The following HERC1 variants were observed in gnomAD, a reference collection of about 807,000 sequenced individuals.
The protein encoded by HERC1 is probable E3 ubiquitin-protein ligase HERC1.
A neutral mutation model predicts 554.3 loss-of-function variants in HERC1; 160 were observed. That is an observed-to-expected ratio of 0.29 (90% CI 0.25 to 0.33). The LOEUF (loss-of-function observed/expected upper bound fraction) is 0.33. HERC1 is among the 10% of genes least tolerant of loss of function. HERC1 has a pLI of 1.00. For missense variants in HERC1, 4,919 were observed against 5,918.5 expected (o/e 0.83, Z 5.54); for synonymous variants, 2,175 against 2,131.7 (o/e 1.02, Z -0.56).
intron 1 of HERC1, among the ~76,000 whole-genome samples, chr15:63,824,533 CAAAAAA>C (rs34774319): frequency 7.6e-6 from 1 of 131,956 alleles, no homozygotes; most frequent in Non-Finnish European, 1.6e-5. Context: ...GACTCCATCT[CAAAAAA>C]AAAAAAAAAA....
rs1213390331 is a variant in HERC1 at position 63,612,417 on chromosome 15, C to T, written c.14234G>A (p.Arg4745His). ...VEVLKKVVRY[R>H]EVDEQHQLVQ... ...CAGCTGATGCTGCTCATCCACCTCA[C>T]GGTACCGCACCACTTTCTTCAAGAC... is the stretch of plus-strand genomic sequence containing the variant. Residue 4745 changes from arginine (R) to histidine (H), a missense_variant, in exon 77 of 78, where the codon CGT (arginine) becomes CAT (histidine). Coordinates refer to ENST00000443617, the MANE Select transcript of HERC1 (RefSeq NM_003922.4). The surrounding 1 kb of genome is among the most constrained non-coding windows in gnomAD (Gnocchi z 5.0). 1 of 1,613,916 alleles carries T rather than the reference C, an allele frequency of 6.2e-7. No homozygotes were observed. The highest frequency in any genetic ancestry group is 8.5e-7 in the Non-Finnish European group (1 of 1,179,906).
At chr15:63,673,715 G>A (rs1008129500) in intron 38 of HERC1, among the ~76,000 whole-genome samples, 2 of 152,174 alleles carry the variant, frequency 1.3e-5, no homozygotes, top group African/African-American at 4.8e-5. Context: ...GAAGATATCA[G>A]AATACTATGT....
chr15:63,817,266 G>A (rs1454842377), intron 1 of HERC1, among the ~76,000 whole-genome samples: 2 of 152,004 alleles, frequency 1.3e-5, no homozygotes, highest in Non-Finnish European at 1.5e-5. Flanking sequence ...TATGAAGCCT[G>A]ATTCATATTT....
chr15:63,752,085 G>T (rs902918470), intron 8 of HERC1, among the ~76,000 whole-genome samples: 1 of 152,162 alleles, frequency 6.6e-6, no homozygotes, highest in Non-Finnish European at 1.5e-5. Flanking sequence ...AAACCATAGT[G>T]AGAAACACGT....
rs543977113 is a variant in HERC1, at chr15:63,763,597, G to A, written c.1026+499C>T. Among the ~76,000 whole-genome samples, 402 of 150,814 alleles carry A rather than the reference G, an allele frequency of 2.7e-3. 1 individual carries two copies. Among genetic ancestry groups the A allele is most frequent in the African/African-American group, 9.2e-3 (377 of 41,072 alleles). Reference sequence around the variant, plus strand: ...GACTTTCCTTTTTTTTTTTTTAATGGGCAAGACTATAGTGTCTAAGGATGC... The same window carrying A: ...GACTTTCCTTTTTTTTTTTTTAATGAGCAAGACTATAGTGTCTAAGGATGC... On this transcript the variant is annotated intron_variant, in intron 3 of 77. Transcript: ENST00000443617.
At chr15:63,716,117 G>T (rs554713855) in intron 22 of HERC1, among the ~76,000 whole-genome samples, 185 bp downstream of exon 22, 38 of 152,212 alleles carry the variant, frequency 2.5e-4, no homozygotes, top group African/African-American at 8.9e-4. Flanking sequence ...TAACCCAAAA[G>T]CATCAGAATA....
In HERC1 at chr15:63,758,099, C is replaced by G. The variant is rs2075492016; in HGVS notation, c.1221+76G>C. On this transcript the variant is annotated intron_variant, in intron 4 of 77. Coordinates refer to ENST00000443617, the MANE Select transcript of HERC1 (RefSeq NM_003922.4). This position sits in a 1 kb window ranked among gnomAD's most constrained non-coding sequence, Gnocchi z 4.0. ...AATTTTCACTCATTTAAAAAATACT[C>G]AGTATTATTTAATGCAAATAAGCAT... is the stretch of plus-strand genomic sequence containing the variant. 6.9e-6 allele frequency: 7 copies of G among 1,007,488 alleles called. No homozygotes were observed. The highest frequency in any genetic ancestry group is 1.0e-5 in the Non-Finnish European group (7 of 685,956). 62.4% of individuals were successfully genotyped at this position (1,007,488 alleles called of 1,614,324 possible).
intron 59 of HERC1, 51 bp from the exon 60 acceptor site, chr15:63,641,694 A>G: frequency 7.0e-7 from 1 of 1,433,282 alleles, no homozygotes. Context: ...AATAAAAAAT[A>G]ATGCTATCAC....
intron 14 of HERC1, among the ~76,000 whole-genome samples, chr15:63,732,668 G>A (rs1306258004): frequency 6.6e-6 from 1 of 152,136 alleles, no homozygotes; most frequent in Non-Finnish European, 1.5e-5. Context: ...CTCTAAAAAT[G>A]TTCCTATTTT....
rs141945022 is a variant in HERC1 at position 63,718,969 on chromosome 15, T to C, written c.3743-72A>G. The C allele has an allele frequency of 4.3e-4, 431 of 997,452 alleles. 2 individuals are homozygous for C. In the East Asian group the frequency reaches 9.5e-3, roughly 22 times the overall value. 61.8% of individuals were successfully genotyped at this position (997,452 alleles called of 1,614,324 possible). A position where few individuals can be genotyped will look rare whatever the true frequency, so the allele number is the denominator to read the frequency against. On this transcript the variant is annotated intron_variant, in intron 19 of 77. Transcript: ENST00000443617. This position sits in a 1 kb window ranked among gnomAD's most constrained non-coding sequence, Gnocchi z 4.2. ...AGTTCAGAGGTAATTTTTATAGCTT[T>C]AGTCATCCAACACCTGAATTTTATC...
intron 76 of HERC1, 53 bp downstream of exon 76, chr15:63,615,715 T>C (rs2152726345): frequency 6.7e-7 from 1 of 1,488,134 alleles, no homozygotes; most frequent in South Asian, 1.4e-5. Context: ...TCAGCTCTCA[T>C]TTGGAGAGAA....
chr15:63,665,857 T>A (rs1362708929), intron 42 of HERC1, 62 bp downstream of exon 42: 5 of 1,227,646 alleles, frequency 4.1e-6, no homozygotes, highest in Non-Finnish European at 5.9e-6. Flanking sequence ...ACGGGATATA[T>A]AATAAATGGG....
At chr15:63,783,792 G>C (rs1435765654) in intron 1 of HERC1, among the ~76,000 whole-genome samples, 2 of 152,166 alleles carry the variant, frequency 1.3e-5, no homozygotes, top group African/African-American at 2.4e-5. Context: ...ATCGGGCCGG[G>C]TGCAGTGGCT....
intron 1 of HERC1, among the ~76,000 whole-genome samples, chr15:63,783,934 T>C (rs1282636341): frequency 6.6e-6 from 1 of 151,758 alleles, no homozygotes; most frequent in African/African-American, 2.4e-5. Flanking sequence ...GGCATGGTAG[T>C]GGGCGCCTGT....
chr15:63,664,461 T>C lies in HERC1; in HGVS notation c.8680+9A>G. 3 of 1,605,912 alleles carry C rather than the reference T, an allele frequency of 1.9e-6. No individual in the cohort carries two copies. The highest frequency in any genetic ancestry group is 2.6e-6 in the Non-Finnish European group (3 of 1,174,498). ...TTCACAAAGAAAAGGATACGGAACA[T>C]AAAATTACCTGCTCTTGCTAGCAGT... On this transcript the variant is annotated intron_variant, in intron 43 of 77. Coordinates refer to ENST00000443617, the MANE Select transcript of HERC1 (RefSeq NM_003922.4).
intron 25 of HERC1, among the ~76,000 whole-genome samples, chr15:63,703,739 AAAAT>A (rs1037775870): frequency 2.6e-5 from 4 of 151,904 alleles, no homozygotes; most frequent in Admixed American, 2.0e-4. Context: ...AAAAATATAT[AAAAT>A]AAATAAATAA....
At chr15:63,816,863 A>T (rs184803511) in intron 1 of HERC1, among the ~76,000 whole-genome samples, 7 of 152,372 alleles carry the variant, frequency 4.6e-5, no homozygotes, top group Non-Finnish European at 1.0e-4. Context: ...CTGATGAATT[A>T]AGAAGTCTAA....
At chr15:63,634,931 A>G (rs1466126780) in intron 65 of HERC1, 43 bp from the exon 66 acceptor site, 9 of 1,488,626 alleles carry the variant, frequency 6.0e-6, no homozygotes, top group Middle Eastern at 1.8e-4. Flanking sequence ...AAGAAGGGAA[A>G]CTAAGAAAAA....
rs576782909 is a variant in HERC1, at chr15:63,624,457, G to A, written c.13276-130C>T. 1.4e-5 allele frequency: 11 copies of A among 770,268 alleles called. No homozygotes were observed. In the African/African-American group the frequency reaches 1.7e-4, roughly 12 times the overall value. The allele number at this position is 770,268 out of a possible 1,614,324, so 47.7% of individuals were successfully genotyped here. A position where few individuals can be genotyped will look rare whatever the true frequency, so the allele number is the denominator to read the frequency against. On this transcript the variant is annotated intron_variant, in intron 71 of 77. Coordinates refer to ENST00000443617, the MANE Select transcript of HERC1 (RefSeq NM_003922.4). ...CATGCCTGTAGTCCCAGCACTTTGG[G>A]AGGCTGTGGTGGGCGGATCGCTTGA...
Sources: allele counts gnomAD v4.1 joint callset (sites outside exome capture counted in the v4.1 genomes callset), GRCh38; gene constraint gnomAD v4.1.1; non-coding constraint Gnocchi (gnomAD v3.1); transcripts MANE v1.5; gene names NCBI Gene and HGNC (gene_info 2026-07-23, HGNC 2026-07-21).